The following SPOCK1 variants were observed in gnomAD, a reference collection of about 807,000 sequenced individuals.
SPOCK1 encodes SPARC (osteonectin), cwcv and kazal like domains proteoglycan 1, also known as testican-1.
In SPOCK1, 23 loss-of-function variants were observed where a neutral mutation model predicts 55.3. The observed-to-expected ratio is 0.42, with a 90% CI of 0.30 to 0.59. The LOEUF (loss-of-function observed/expected upper bound fraction) is 0.59, where lower values mean the gene tolerates loss of function less well. Ranked by LOEUF, SPOCK1 falls within the 20% of genes least tolerant of loss-of-function variation. The pLI is 0.22. For missense variants in SPOCK1, 499 were observed against 552.5 expected (o/e 0.90, Z 0.97); for synonymous variants, 226 against 221.0 (o/e 1.02, Z -0.20).
intron 2 of SPOCK1, among the ~76,000 whole-genome samples, chr5:137,293,807 G>A (rs1468195628): frequency 6.6e-6 from 1 of 152,206 alleles, no homozygotes; most frequent in Non-Finnish European, 1.5e-5. Flanking sequence ...ATGAGGTCAG[G>A]AGATCGAGAC....
chr5:137,158,538 T>C lies in SPOCK1; in HGVS notation c.233-17844A>G, dbSNP rs112695818. Among the ~76,000 whole-genome samples the C allele has an allele frequency of 1.4e-3, 210 of 152,350 alleles. 2 individuals carry two copies. The highest frequency in any genetic ancestry group is 3.7e-3 in the South Asian group (18 of 4,830). On this transcript the variant is annotated intron_variant, in intron 3 of 10. Coordinates refer to ENST00000394945, the MANE Select transcript of SPOCK1 (RefSeq NM_004598.4). ...CCAACACCTGGGCAAGTTATCACAC[T>C]GAACCTTAATACTGTGAAGGCTCTG... is the stretch of plus-strand genomic sequence containing the variant.
chr5:137,264,786 C>A (rs770788770), intron 3 of SPOCK1, among the ~76,000 whole-genome samples: 13 of 152,052 alleles, frequency 8.5e-5, no homozygotes, highest in Non-Finnish European at 1.9e-4. Context: ...GACAGAGTAA[C>A]CTCCCATTTT....
intron 5 of SPOCK1, among the ~76,000 whole-genome samples, chr5:137,105,012 G>T (rs1015380726): frequency 6.6e-6 from 1 of 152,150 alleles, no homozygotes; most frequent in Admixed American, 6.5e-5. Context: ...TGGACTGTTG[G>T]TGTCCACTGT....
intron 6 of SPOCK1, among the ~76,000 whole-genome samples, chr5:137,015,265 C>G (rs1301409515): frequency 6.9e-6 from 1 of 145,702 alleles, no homozygotes; most frequent in Non-Finnish European, 1.5e-5. Context: ...CACAGTGAAA[C>G]CCCATCTCTA....
At chr5:137,168,282 C>A (rs1431765652) in intron 3 of SPOCK1, among the ~76,000 whole-genome samples, 2 of 152,048 alleles carry the variant, frequency 1.3e-5, no homozygotes, top group Non-Finnish European at 2.9e-5. Flanking sequence ...GGTGGAAAGT[C>A]TCCAGGACAT....
In SPOCK1 at chr5:137,029,952, AAG is replaced by A. The variant is rs566295916; in HGVS notation, c.590-37354_590-37353del. Among the ~76,000 whole-genome samples, 23 of 152,350 alleles carry A rather than the reference AAG, an allele frequency of 1.5e-4. 1 individual carries two copies. In the South Asian group the frequency reaches 4.1e-3, roughly 27 times the overall value. ...TCCCCAAGGAAGCATGCAAGGAGAA[AAG>A]AGACACATGCCTTAGAAATCATGTG... On this transcript the variant is annotated intron_variant, in intron 6 of 10. Transcript: ENST00000394945.
chr5:137,136,052 C>CT (rs1317094305), intron 4 of SPOCK1, among the ~76,000 whole-genome samples: 2 of 152,124 alleles, frequency 1.3e-5, no homozygotes, highest in African/African-American at 4.8e-5. Context: ...AGTGACTTGT[C>CT]TTTTTCATTT....
At chr5:137,207,328 G>C (rs1262832758) in intron 3 of SPOCK1, among the ~76,000 whole-genome samples, 2 of 152,250 alleles carry the variant, frequency 1.3e-5, no homozygotes, top group African/African-American at 4.8e-5. Context: ...GCTGTTCTAA[G>C]TTGGAACCAA....
At position 137,475,289 on chromosome 5, in the gene SPOCK1, C is replaced by A. The variant is rs538720692; in HGVS notation, c.186+23084G>T. On this transcript the variant is annotated intron_variant, in intron 2 of 10. Coordinates refer to ENST00000394945, the MANE Select transcript of SPOCK1 (RefSeq NM_004598.4). ...TGAAAAATAACAATATCCAGAAGGA[C>A]CCCCCTCGCCCCCAAATGGTAGCAG... Among the ~76,000 whole-genome samples, 5 of 152,168 alleles carry A rather than the reference C, an allele frequency of 3.3e-5. No homozygotes were observed. In the East Asian group the frequency reaches 9.7e-4, roughly 29 times the overall value.
chr5:137,487,463 A>T (rs1456790612), intron 2 of SPOCK1, among the ~76,000 whole-genome samples: 1 of 152,154 alleles, frequency 6.6e-6, no homozygotes. Flanking sequence ...GACTATCAGT[A>T]TCTGCATCTC....
chr5:137,032,601 C>T (rs1299461471), intron 6 of SPOCK1, among the ~76,000 whole-genome samples: 3 of 152,088 alleles, frequency 2.0e-5, no homozygotes, highest in African/African-American at 4.8e-5. Context: ...AATGACGGTA[C>T]TCACGAGAAA....
chr5:137,432,938 T>C (rs2149829490), intron 2 of SPOCK1, among the ~76,000 whole-genome samples: 1 of 152,308 alleles, frequency 6.6e-6, no homozygotes, highest in East Asian at 1.9e-4. Context: ...ATATTTGTCC[T>C]AGATGAACAT....
intron 4 of SPOCK1, among the ~76,000 whole-genome samples, chr5:137,116,789 G>A (rs1248144581): frequency 2.0e-5 from 3 of 151,936 alleles, no homozygotes; most frequent in East Asian, 3.9e-4. Context: ...CACTGACCAC[G>A]ACCAACATCA....
intron 5 of SPOCK1, among the ~76,000 whole-genome samples, chr5:137,082,483 A>T (rs142705799): frequency 2.7e-4 from 41 of 152,312 alleles, no homozygotes; most frequent in Middle Eastern, 3.4e-3. Context: ...GAGGGGTGAG[A>T]ACACAAACCC....
intron 2 of SPOCK1, among the ~76,000 whole-genome samples, chr5:137,404,262 A>C (rs1283378429): frequency 4.6e-5 from 7 of 152,264 alleles, no homozygotes; most frequent in Non-Finnish European, 8.8e-5. Flanking sequence ...CTGCTACGAC[A>C]GCCAACTGTC....
intron 5 of SPOCK1, among the ~76,000 whole-genome samples, chr5:137,074,954 C>T (rs192401048): frequency 5.1e-4 from 77 of 152,224 alleles, no homozygotes; most frequent in African/African-American, 1.1e-3. Context: ...CAGCCCACCT[C>T]GGCCTCCCAA....
intron 2 of SPOCK1, among the ~76,000 whole-genome samples, chr5:137,484,015 C>T (rs1436775744): frequency 6.6e-6 from 1 of 152,194 alleles, no homozygotes; most frequent in Non-Finnish European, 1.5e-5. Context: ...GTCTTGAACA[C>T]AAATGAAGAC....
At chr5:137,042,672 A>C (rs1752022336) in intron 6 of SPOCK1, among the ~76,000 whole-genome samples, 1 of 152,180 alleles carries the variant, frequency 6.6e-6, no homozygotes, top group South Asian at 2.1e-4. Flanking sequence ...GGATTAAAGA[A>C]TTAAGTAAAT....
At chr5:137,292,913 G>A (rs373977388) in intron 2 of SPOCK1, among the ~76,000 whole-genome samples, 1 of 151,968 alleles carries the variant, frequency 6.6e-6, no homozygotes, top group Non-Finnish European at 1.5e-5. Flanking sequence ...CAAACACGGC[G>A]GAAAATCCTG....
Sources: allele counts gnomAD v4.1 joint callset (sites outside exome capture counted in the v4.1 genomes callset), GRCh38; gene constraint gnomAD v4.1.1; transcripts MANE v1.5; gene names NCBI Gene and HGNC (gene_info 2026-07-23, HGNC 2026-07-21).